PCDH11X: variants seen among roughly 807,000 people sequenced by gnomAD.
The protein encoded by PCDH11X is protocadherin-11 X-linked.
PCDH11X carries 18 observed loss-of-function variants against 53.3 expected under a neutral mutation model. The ratio of observed to expected loss-of-function variants is 0.34; its 90% CI spans 0.23 to 0.50. The LOEUF (loss-of-function observed/expected upper bound fraction) is 0.50. Ranked by LOEUF, PCDH11X falls within the 20% of genes least tolerant of loss-of-function variation. The pLI is 0.98. For missense variants in PCDH11X, 570 were observed against 1,032.4 expected, an observed-to-expected ratio of 0.55 and a Z score of 6.14; for synonymous variants, 279 against 393.3, an observed-to-expected ratio of 0.71 and a Z score of 3.44.
chrX:92,194,669 G>GTTT (rs200483803), intron 6 of PCDH11X, among the ~76,000 whole-genome samples: 1 of 98,709 alleles, frequency 1.0e-5, no homozygotes, highest in African/African-American at 3.6e-5. Context: ...TAAATATTAT[G>GTTT]TTTTTTTTTT....
At chrX:92,054,840 A>AGAAAAG (rs761970338) in intron 6 of PCDH11X, among the ~76,000 whole-genome samples, 1 of 104,823 alleles carries the variant, frequency 9.5e-6, no homozygotes, top group Non-Finnish European at 1.9e-5. Flanking sequence ...AAAAAAAAAA[A>AGAAAAG]AAAAGAAAAG....
At chrX:92,371,746 G>C (rs1347033408) in intron 8 of PCDH11X, among the ~76,000 whole-genome samples, 1 of 106,068 alleles carries the variant, frequency 9.4e-6, no homozygotes, top group African/African-American at 3.4e-5. Flanking sequence ...TATGTGCTGT[G>C]CATAAACTAG....
chrX:92,053,660 G>A (rs1395000602), intron 6 of PCDH11X, among the ~76,000 whole-genome samples: 85 of 104,928 alleles, frequency 8.1e-4, no homozygotes, highest in Non-Finnish European at 1.2e-3. Flanking sequence ...AGCCTCTGCC[G>A]CCCGGGTTCA....
chrX:92,326,214 T>C (rs1381868588), intron 8 of PCDH11X, among the ~76,000 whole-genome samples: 5 of 109,210 alleles, frequency 4.6e-5, no homozygotes, highest in Non-Finnish European at 7.6e-5. Flanking sequence ...TTCATGTAGA[T>C]TTCTGGCCTC....
chrX:91,854,894 T>C, intron 5 of PCDH11X, among the ~76,000 whole-genome samples: 1 of 112,031 alleles, frequency 8.9e-6, no homozygotes, highest in Middle Eastern at 4.6e-3. Flanking sequence ...TTCAGATTAT[T>C]AATCCTTTGT....
chrX:92,495,482 A>G (rs957192239), intron 10 of PCDH11X, among the ~76,000 whole-genome samples: 4 of 109,311 alleles, frequency 3.7e-5, no homozygotes, highest in Non-Finnish European at 7.6e-5. Flanking sequence ...CCCTATATGG[A>G]CTGCTGTCAT....
chrX:92,082,170 A>T (rs1163283136), intron 6 of PCDH11X, among the ~76,000 whole-genome samples: 1 of 110,408 alleles, frequency 9.1e-6, no homozygotes, highest in Non-Finnish European at 1.9e-5. Flanking sequence ...AGGAGTTGGG[A>T]TGTAGAGAGA....
intron 9 of PCDH11X, among the ~76,000 whole-genome samples, chrX:92,454,641 T>C (rs899961487): frequency 9.3e-5 from 10 of 107,344 alleles, no homozygotes; most frequent in African/African-American, 2.7e-4. Flanking sequence ...AAATGGGTTA[T>C]AAAGAAGTCT....
rs769314368 is a variant in PCDH11X, at chrX:91,825,710, C to T, written c.-44-9751C>T. Among the ~76,000 whole-genome samples, 3 of 108,187 alleles carry T rather than the reference C, an allele frequency of 2.8e-5. No individual in the cohort carries two copies. The East Asian group carries it at 8.5e-4, about 31-fold the overall frequency. 93.9% of individuals were successfully genotyped at this position (108,187 alleles called of 115,157 possible). On this transcript the variant is annotated intron_variant, in intron 4 of 10. Transcript: ENST00000682573. Reference sequence around the variant, plus strand: ...CATCTTGGCTCCTCCCTCCAGCAAGCATTTCTTAAGCACTTACTGTGTATT... The same window carrying T: ...CATCTTGGCTCCTCCCTCCAGCAAGTATTTCTTAAGCACTTACTGTGTATT...
intron 6 of PCDH11X, among the ~76,000 whole-genome samples, chrX:91,936,903 A>G (rs2061451421): frequency 9.3e-6 from 1 of 107,063 alleles, no homozygotes; most frequent in East Asian, 2.9e-4. Context: ...TTAATTTAAT[A>G]ATTTTAAATA....
At chrX:92,263,034 G>T in intron 7 of PCDH11X, 80 bp from the exon 8 acceptor site, 6 of 1,090,768 alleles carry the variant, frequency 5.5e-6, no homozygotes, top group Admixed American at 3.5e-5. Context: ...AAATGTATTT[G>T]CAGTAACCAA....
chrX:92,145,195 G>A (rs891595336), intron 6 of PCDH11X, among the ~76,000 whole-genome samples: 70 of 111,467 alleles, frequency 6.3e-4, no homozygotes, highest in Non-Finnish European at 1.2e-3. Flanking sequence ...TTCATTAAGT[G>A]TAAACAAAGG....
In PCDH11X at chrX:91,943,935, C is replaced by T. The variant is rs1035265147; in HGVS notation, c.3033+64662C>T. Among the ~76,000 whole-genome samples the T allele has an allele frequency of 2.8e-3, 293 of 105,936 alleles. 1 individual carries two copies. Among genetic ancestry groups the T allele is most frequent in the Non-Finnish European group, 4.5e-3 (233 of 51,267 alleles). 92.0% of individuals were successfully genotyped at this position (105,936 alleles called of 115,157 possible). A position where few individuals can be genotyped will look rare whatever the true frequency, so the allele number is the denominator to read the frequency against. ...CAGCCATTAAAACATCCAATAAACT[C>T]GGTGAGAGCCATCTGTGATTTCACC... On this transcript the variant is annotated intron_variant, in intron 6 of 10. Coordinates refer to ENST00000682573, the MANE Select transcript of PCDH11X (RefSeq NM_032968.5).
intron 10 of PCDH11X, among the ~76,000 whole-genome samples, chrX:92,612,554 T>A (rs1196054265): frequency 9.1e-6 from 1 of 109,677 alleles, no homozygotes; most frequent in East Asian, 2.8e-4. Context: ...TCAATTTTTT[T>A]AATTTATTGA....
At chrX:92,178,512 T>A (rs1167200762) in intron 6 of PCDH11X, among the ~76,000 whole-genome samples, 5 of 112,066 alleles carry the variant, frequency 4.5e-5, no homozygotes, top group Admixed American at 9.5e-5. Context: ...TATAACAAAT[T>A]CAGGCAATTT....
chrX:92,148,169 C>CT (rs1300177682), intron 6 of PCDH11X, among the ~76,000 whole-genome samples: 1 of 16,690 alleles, frequency 6.0e-5, no homozygotes, highest in African/African-American at 2.6e-4. Context: ...TCCTTCCTTC[C>CT]TTCCTTCTTT....
At chrX:92,038,473 A>G (rs780256334) in intron 6 of PCDH11X, among the ~76,000 whole-genome samples, 279 of 111,800 alleles carry the variant, frequency 2.5e-3, no homozygotes, top group Non-Finnish European at 4.1e-3. Context: ...AGAGCCTGCA[A>G]TTGCACAGAA....
At chrX:92,095,844 GA>G (rs2064125449) in intron 6 of PCDH11X, among the ~76,000 whole-genome samples, 1 of 111,857 alleles carries the variant, frequency 8.9e-6, no homozygotes, top group African/African-American at 3.2e-5. Context: ...CATTTTCCTA[GA>G]AAAATCTTAG....
Position 92,222,471 on chromosome X carries a change from T to C in PCDH11X, c.3114+21016T>C, listed in dbSNP as rs935207755. ...GCTGTTGTTTCCTGCTGCAATTTCA[T>C]GTTAGCATCCATTGTAGAGCATCCC... On this transcript the variant is annotated intron_variant, in intron 7 of 10. Transcript: ENST00000682573. Among the ~76,000 whole-genome samples, 3 of 111,581 alleles carry C rather than the reference T, an allele frequency of 2.7e-5. No homozygotes were observed. The Admixed American group carries it at 2.9e-4, about 11-fold the overall frequency.
Sources: gnomAD v4.1 joint callset for allele counts (sites outside exome capture counted in the v4.1 genomes callset) on GRCh38, gnomAD v4.1.1 for gene constraint, MANE v1.5 for transcripts, NCBI Gene and HGNC (gene_info 2026-07-23, HGNC 2026-07-21) for gene names.